EFHC2: variants seen among roughly 807,000 people sequenced by gnomAD.
EFHC2 encodes the protein EF-hand domain-containing family member C2.
A neutral mutation model predicts 52.7 loss-of-function variants in EFHC2; 18 were observed. That is an observed-to-expected ratio of 0.34 (90% confidence interval 0.24 to 0.51). The LOEUF (loss-of-function observed/expected upper bound fraction) is 0.51. EFHC2 is among the 20% of genes least tolerant of loss of function. The pLI is 0.97. For missense variants in EFHC2, 513 were observed against 562.5 expected (o/e 0.91, Z 0.89); for synonymous variants, 203 against 204.1 (o/e 0.99, Z 0.04).
At chrX:44,154,551 A>T (rs1364491405) in intron 14 of EFHC2, among the ~76,000 whole-genome samples, 3 of 109,008 alleles carry the variant, frequency 2.8e-5, no homozygotes, top group Non-Finnish European at 5.7e-5. Flanking sequence ...AGAAAAAAAA[A>T]AAAGTAGCGG....
In EFHC2 at chrX:44,334,576, A is replaced by G. The variant is rs367753048; in HGVS notation, c.42+8971T>C. The stretch of plus-strand genomic sequence containing the variant: ...CCACAACCTCTGCCTCCCAGGTTCA[A>G]GTGATTCTCCTGTCTCAGCCTCCCG... On this transcript the variant is annotated intron_variant, in intron 1 of 14. Transcript: ENST00000420999. Among the ~76,000 whole-genome samples the G allele has an allele frequency of 3.6e-5, 4 of 112,270 alleles. No individual in the cohort carries two copies. The East Asian group carries it at 8.4e-4, about 24-fold the overall frequency.
At chrX:44,256,159 T>TAAGCACTAA (rs887839527) in intron 4 of EFHC2, among the ~76,000 whole-genome samples, 4 of 111,367 alleles carry the variant, frequency 3.6e-5, no homozygotes, top group African/African-American at 1.3e-4. Context: ...TTAGTGCTTA[T>TAAGCACTAA]AAGCACTAAA....
At chrX:44,308,044 A>T (rs1039532797) in intron 2 of EFHC2, among the ~76,000 whole-genome samples, 1 of 112,355 alleles carries the variant, frequency 8.9e-6, no homozygotes, top group Non-Finnish European at 1.9e-5. Flanking sequence ...TAATACTCAG[A>T]TTTAGACAAT....
chrX:44,259,187 C>A (rs1466404912), intron 4 of EFHC2, among the ~76,000 whole-genome samples: 2 of 111,987 alleles, frequency 1.8e-5, no homozygotes, highest in Non-Finnish European at 1.9e-5. Context: ...GAAAATGTGG[C>A]ACATATACAC....
chrX:44,224,791 C>G (rs1021096492), intron 11 of EFHC2, among the ~76,000 whole-genome samples: 1 of 112,538 alleles, frequency 8.9e-6, no homozygotes, highest in Non-Finnish European at 1.9e-5. Context: ...AAGCACTCAG[C>G]TAACCAAAAT....
intron 14 of EFHC2, among the ~76,000 whole-genome samples, chrX:44,162,100 T>C (rs566316057): frequency 2.1e-4 from 24 of 111,787 alleles, no homozygotes; most frequent in Non-Finnish European, 4.0e-4. Context: ...AAATGCTTTG[T>C]TTGCTGTTAT....
intron 11 of EFHC2, among the ~76,000 whole-genome samples, chrX:44,188,173 G>A (rs1602141790): frequency 9.3e-6 from 1 of 107,399 alleles, no homozygotes; most frequent in Non-Finnish European, 1.9e-5. Context: ...TAGAGACGGG[G>A]TTGGCTTTTT....
At chrX:44,196,741 A>G (rs1158793016) in intron 11 of EFHC2, among the ~76,000 whole-genome samples, 1 of 112,248 alleles carries the variant, frequency 8.9e-6, no homozygotes, top group African/African-American at 3.2e-5. Flanking sequence ...GGCCAGTGGT[A>G]AGAAGAAATG....
intron 11 of EFHC2, among the ~76,000 whole-genome samples, chrX:44,193,380 G>A (rs2036938280): frequency 9.1e-6 from 1 of 109,684 alleles, no homozygotes. Context: ...ACATGTCTCG[G>A]GACCTCCTCA....
At chrX:44,303,245 G>A (rs1049413196) in intron 2 of EFHC2, among the ~76,000 whole-genome samples, 10 of 110,976 alleles carry the variant, frequency 9.0e-5, no homozygotes, top group Admixed American at 1.9e-4. Flanking sequence ...TGACCGTGAC[G>A]GATCAAGACA....
chrX:44,332,513 A>T (rs187484270), intron 1 of EFHC2, among the ~76,000 whole-genome samples: 3 of 111,543 alleles, frequency 2.7e-5, no homozygotes, highest in Non-Finnish European at 5.7e-5. Context: ...ATAAAAATGC[A>T]CATCCCTCAA....
At chrX:44,316,911 T>C (rs186824516) in intron 1 of EFHC2, among the ~76,000 whole-genome samples, 1 of 112,196 alleles carries the variant, frequency 8.9e-6, no homozygotes, top group East Asian at 2.8e-4. Flanking sequence ...CAGTTACTAC[T>C]GTTAGTACTT....
chrX:44,163,658 T>A (rs1264439757), intron 14 of EFHC2, among the ~76,000 whole-genome samples: 1 of 111,639 alleles, frequency 9.0e-6, no homozygotes, highest in Non-Finnish European at 1.9e-5. Context: ...CTGTAACCTA[T>A]TATCCTATTT....
intron 4 of EFHC2, among the ~76,000 whole-genome samples, chrX:44,260,399 C>T (rs1464597670): frequency 9.0e-5 from 10 of 111,709 alleles, no homozygotes; most frequent in Admixed American, 8.5e-4. Context: ...TTCCACCCCC[C>T]TTTGAGTGTT....
chrX:44,241,977 A>C (rs955758527), intron 8 of EFHC2, 144 bp downstream of exon 8: 47 of 542,265 alleles, frequency 8.7e-5, no homozygotes, highest in Non-Finnish European at 1.3e-4. Flanking sequence ...CATGTTAATC[A>C]ACCTCATTAA....
At chrX:44,151,650 CATTTTA>C (rs2036571475) in intron 14 of EFHC2, among the ~76,000 whole-genome samples, 1 of 112,181 alleles carries the variant, frequency 8.9e-6, no homozygotes, top group Admixed American at 9.5e-5. Context: ...AGCATAACTT[CATTTTA>C]ATTAATTATA....
chrX:44,253,258 G>A (rs1288756483), intron 4 of EFHC2, among the ~76,000 whole-genome samples: 1 of 108,226 alleles, frequency 9.2e-6, no homozygotes, highest in Non-Finnish European at 1.9e-5. Flanking sequence ...TCATACCCCA[G>A]TGGCGCCTGG....
chrX:44,168,935 C>G (rs751126972), intron 13 of EFHC2, among the ~76,000 whole-genome samples: 2 of 110,127 alleles, frequency 1.8e-5, no homozygotes, highest in East Asian at 5.7e-4. Flanking sequence ...AACCCCTTCC[C>G]CTGACCAAAG....
At chrX:44,192,180 A>G (rs1226339587) in intron 11 of EFHC2, among the ~76,000 whole-genome samples, 1 of 110,617 alleles carries the variant, frequency 9.0e-6, no homozygotes, top group Non-Finnish European at 1.9e-5. Context: ...TTTTTTCATC[A>G]TATTCTGGAT....
Sources: gnomAD v4.1 joint callset for allele counts (sites outside exome capture counted in the v4.1 genomes callset) on GRCh38, gnomAD v4.1.1 for gene constraint, MANE v1.5 for transcripts, NCBI Gene and HGNC (gene_info 2026-07-23, HGNC 2026-07-21) for gene names.